The following PKP2 variants were observed in gnomAD, a reference collection of about 807,000 sequenced individuals.
The protein encoded by PKP2 is plakophilin 2, also known as plakophilin-2.
In PKP2, 73 loss-of-function variants were observed where a neutral mutation model predicts 83.4. The ratio of observed to expected loss-of-function variants is 0.88; its 90% confidence interval spans 0.72 to 1.06. The LOEUF is 1.06. Ranked by LOEUF, PKP2 falls within the 50% of genes least tolerant of loss-of-function variation. PKP2 has a pLI of 0.00. For synonymous variants in PKP2, 409 were observed against 430.4 expected (o/e 0.95, Z 0.62); for missense variants, 966 against 1,065.4 (o/e 0.91, Z 1.30).
At chr12:32,843,483 A>G (rs1289362376) in intron 5 of PKP2, among the ~76,000 whole-genome samples, 1 of 152,238 alleles carries the variant, frequency 6.6e-6, no homozygotes, top group African/African-American at 2.4e-5. Context: ...GGTCCAACCA[A>G]TTAGAACACA....
intron 9 of PKP2, among the ~76,000 whole-genome samples, chr12:32,812,970 G>A (rs1372915514): frequency 6.6e-6 from 1 of 152,118 alleles, no homozygotes; most frequent in Non-Finnish European, 1.5e-5. Flanking sequence ...GTAAACTATC[G>A]TGGGCACAGT....
intron 9 of PKP2, among the ~76,000 whole-genome samples, chr12:32,813,785 A>G (rs912476091): frequency 8.3e-5 from 12 of 144,724 alleles, no homozygotes; most frequent in East Asian, 2.0e-4. Context: ...TCATCTTGGG[A>G]AAAAAAAAAA....
chr12:32,835,489 T>A (rs1956537118), intron 6 of PKP2, among the ~76,000 whole-genome samples: 2 of 150,320 alleles, frequency 1.3e-5, no homozygotes, highest in Admixed American at 1.3e-4. Flanking sequence ...TAAAGGAGGC[T>A]GTGAAAAAAA....
rs769817013 is a variant in PKP2 at position 32,822,558 on chromosome 12, G to A, written c.1748C>T (p.Ser583Phe). 3 of 1,613,958 alleles carry A rather than the reference G, an allele frequency of 1.9e-6. No individual in the cohort carries two copies. The highest frequency in any genetic ancestry group is 2.5e-6 in the Non-Finnish European group (3 of 1,179,910). ...CCGGTTTTGAATATAGATATTCTGGGAATATTTCTCTGGGAGCTCTGCCTC... is the reference window on the plus strand; with the variant it reads ...CCGGTTTTGAATATAGATATTCTGGAAATATTTCTCTGGGAGCTCTGCCTC... Reference protein sequence around the residue: ...QLEAELPEKYSQNIYIQNRNI... With the variant: ...QLEAELPEKYFQNIYIQNRNI... Residue 583 changes from serine to phenylalanine, a missense_variant, in exon 8 of 13, where the codon TCC becomes TTC. Ser to Phe is a radical substitution (Grantham distance 155). Transcript: ENST00000340811.
chr12:32,887,583 A>G (rs1270956601), intron 1 of PKP2, among the ~76,000 whole-genome samples: 2 of 152,142 alleles, frequency 1.3e-5, no homozygotes, highest in Non-Finnish European at 2.9e-5. Flanking sequence ...CCTTCCGAGT[A>G]GCTGGACTAC....
chr12:32,833,565 C>T lies in PKP2; in HGVS notation c.1556+7463G>A, dbSNP rs563542817. On this transcript the variant is annotated intron_variant, in intron 6 of 12. Coordinates refer to ENST00000340811, the MANE Select transcript of PKP2 (RefSeq NM_001005242.3). ...AGGTATGGTTTGCTTCCTCTGACAA[C>T]TCCCCACTCCAGCTAGATTTCCAGT... is the stretch of plus-strand genomic sequence containing the variant. Among the ~76,000 whole-genome samples, 21 of 152,238 alleles carry T rather than the reference C, an allele frequency of 1.4e-4. No homozygotes were observed. The South Asian group carries it at 1.9e-3, about 14-fold the overall frequency.
At chr12:32,869,818 A>C (rs1956882055) in intron 3 of PKP2, among the ~76,000 whole-genome samples, 1 of 152,114 alleles carries the variant, frequency 6.6e-6, no homozygotes, top group South Asian at 2.1e-4. Context: ...CCAGGAATTC[A>C]AGACCAGCCC....
chr12:32,879,766 G>T (rs1331738556), intron 1 of PKP2, among the ~76,000 whole-genome samples: 2 of 150,846 alleles, frequency 1.3e-5, no homozygotes, highest in Non-Finnish European at 2.9e-5. Flanking sequence ...GGAGGTGGAG[G>T]TTGCAGTGAA....
At chr12:32,894,852 T>A (rs1484561617) in intron 1 of PKP2, 14 of 152,156 alleles carry the variant, frequency 9.2e-5, no homozygotes, top group Admixed American at 9.2e-4. Context: ...CCGCAGTCTT[T>A]AGTCAGACCC....
At chr12:32,845,139 A>G (rs1956633430) in intron 5 of PKP2, among the ~76,000 whole-genome samples, 1 of 152,230 alleles carries the variant, frequency 6.6e-6, no homozygotes, top group Non-Finnish European at 1.5e-5. Context: ...TATAATTAGA[A>G]TAATTACCAA....
intron 2 of PKP2, among the ~76,000 whole-genome samples, 176 bp from the exon 3 acceptor site, chr12:32,878,719 ATATT>A (rs1466889891): frequency 6.6e-6 from 1 of 152,200 alleles, no homozygotes; most frequent in Non-Finnish European, 1.5e-5. Flanking sequence ...GACTTGAGTC[ATATT>A]TATTTGCACT....
At chr12:32,864,951 C>T (rs1454348728) in intron 4 of PKP2, among the ~76,000 whole-genome samples, 3 of 152,186 alleles carry the variant, frequency 2.0e-5, no homozygotes, top group Non-Finnish European at 4.4e-5. Flanking sequence ...ATGTGGTTGA[C>T]TTGAGTCATA....
At chr12:32,881,565 G>C (rs1396601416) in intron 1 of PKP2, among the ~76,000 whole-genome samples, 2 of 152,098 alleles carry the variant, frequency 1.3e-5, no homozygotes, top group African/African-American at 4.8e-5. Context: ...GCCAATTTAA[G>C]AGAGAAATCA....
At chr12:32,864,335 C>T (rs1420986599) in intron 4 of PKP2, among the ~76,000 whole-genome samples, 1 of 148,740 alleles carries the variant, frequency 6.7e-6, no homozygotes, top group South Asian at 2.1e-4. Context: ...CACACACACA[C>T]ACATACACAC....
intron 4 of PKP2, among the ~76,000 whole-genome samples, chr12:32,868,113 A>G (rs1192906726): frequency 1.3e-5 from 2 of 152,338 alleles, no homozygotes; most frequent in East Asian, 3.9e-4. Flanking sequence ...GAAGAGGGAA[A>G]TTTGTGTAGT....
chr12:32,828,530 A>T (rs1236789136), intron 6 of PKP2, among the ~76,000 whole-genome samples: 1 of 152,194 alleles, frequency 6.6e-6, no homozygotes, highest in Non-Finnish European at 1.5e-5. Flanking sequence ...TTTTCACAAA[A>T]TTCCTGAAAT....
chr12:32,846,786 A>T (rs1188801151), intron 5 of PKP2, among the ~76,000 whole-genome samples: 2 of 149,646 alleles, frequency 1.3e-5, no homozygotes, highest in African/African-American at 5.0e-5. Flanking sequence ...AGGGTGTCAG[A>T]GGAGTGAGGA....
At chr12:32,858,116 T>TG (rs1956770037) in intron 4 of PKP2, among the ~76,000 whole-genome samples, 3 of 95,734 alleles carry the variant, frequency 3.1e-5, no homozygotes, top group African/African-American at 1.2e-4. Flanking sequence ...TATATATATA[T>TG]TTATATATAT....
intron 3 of PKP2, among the ~76,000 whole-genome samples, chr12:32,869,770 A>G (rs1956881723): frequency 1.3e-5 from 2 of 152,262 alleles, no homozygotes; most frequent in Non-Finnish European, 2.9e-5. Context: ...CTGTAATCCC[A>G]GCACTTTGCG....
Sources: gnomAD v4.1 joint callset for allele counts (sites outside exome capture counted in the v4.1 genomes callset) on GRCh38, gnomAD v4.1.1 for gene constraint, MANE v1.5 for transcripts, NCBI Gene and HGNC (gene_info 2026-07-23, HGNC 2026-07-21) for gene names.